Variants in STX2 observed in about 807,000 individuals in gnomAD.
STX2 encodes syntaxin-2.
Under a neutral mutation model 40.6 loss-of-function variants are expected in STX2, and 27 were observed. That is an observed-to-expected ratio of 0.66 (90% CI 0.49 to 0.92). STX2 has a LOEUF of 0.92. STX2 is among the 40% of genes least tolerant of loss of function. The pLI is 0.00. For synonymous variants in STX2, 123 were observed against 119.1 expected, an observed-to-expected ratio of 1.03 and a Z score of -0.22; for missense variants, 328 against 366.1, an observed-to-expected ratio of 0.90 and a Z score of 0.85.
chr12:130,814,627 C>T (rs1379076630), intron 3 of STX2, among the ~76,000 whole-genome samples: 1 of 49,224 alleles, frequency 2.0e-5, no homozygotes, highest in East Asian at 7.5e-4. Context: ...ATTAGAAAGA[C>T]TTTTTTTTTT....
chr12:130,795,860 T>C (rs568676306), intron 10 of STX2, 135 bp downstream of exon 10: 15 of 1,065,968 alleles, frequency 1.4e-5, no homozygotes, highest in Admixed American at 9.3e-5. Context: ...CACAGGCAGA[T>C]GTATCACTAG....
chr12:130,828,867 C>CAA (rs71451381), intron 1 of STX2, among the ~76,000 whole-genome samples: 94 of 121,504 alleles, frequency 7.7e-4, no homozygotes, highest in East Asian at 2.1e-3. Context: ...GACTCTGTCT[C>CAA]AAAAAAAAAA....
Position 130,821,748 on chromosome 12 carries a change from T to A in STX2, c.146A>T (p.Tyr49Phe). ...GTGGTTTTTCTTTACTTCTTCAACA[T>A]ATTGAGTTATTTTATCAATACTGTT... Reference protein sequence around the residue: ...IRNSIDKITQYVEEVKKNHSI... With the variant: ...IRNSIDKITQFVEEVKKNHSI... Residue 49 changes from tyrosine to phenylalanine, a missense_variant, in exon 3 of 11, where the codon TAT becomes TTT. By Grantham distance (22) the Tyr-to-Phe change is conservative. Coordinates refer to ENST00000392373, the MANE Select transcript of STX2 (RefSeq NM_194356.4). 1 of 1,613,168 alleles carries A rather than the reference T, an allele frequency of 6.2e-7. No individual in the cohort carries two copies. The highest frequency in any genetic ancestry group is 8.5e-7 in the Non-Finnish European group (1 of 1,179,124).
chr12:130,803,801 C>T (rs915267672), intron 6 of STX2, among the ~76,000 whole-genome samples: 2 of 151,996 alleles, frequency 1.3e-5, no homozygotes, highest in Admixed American at 6.6e-5. Context: ...AGTATACATT[C>T]GTAATTCCTT....
chr12:130,839,174 G>A lies in STX2; in HGVS notation c.-75C>T, dbSNP rs982031411. The A allele has an allele frequency of 8.9e-7, 1 of 1,128,382 alleles. No individual in the cohort carries two copies. The highest frequency in any genetic ancestry group is 1.6e-5 in the African/African-American group (1 of 60,844). The allele number at this position is 1,128,382 out of a possible 1,614,324, so 69.9% of individuals were successfully genotyped here. A position where few individuals can be genotyped will look rare whatever the true frequency, so the allele number is the denominator to read the frequency against. On this transcript the variant is annotated 5_prime_UTR_variant, in exon 1 of 11. Transcript: ENST00000392373. ...CCTCCGGCCGGGCCTCGGGCTCTCC[G>A]GTCTCCGCCTCAGGCCCCGCGGTCC...
intron 1 of STX2, among the ~76,000 whole-genome samples, chr12:130,828,860 T>A (rs1593185961): frequency 8.4e-6 from 1 of 118,810 alleles, no homozygotes. Context: ...AGAGCAAGAC[T>A]CTGTCTCAAA....
At chr12:130,801,131 G>A (rs1486950332) in intron 8 of STX2, 22 bp downstream of exon 8, 8 of 1,593,934 alleles carry the variant, frequency 5.0e-6, no homozygotes, top group Non-Finnish European at 6.9e-6. Flanking sequence ...CTCTCTTGGA[G>A]AATGCAAGAG....
At chr12:130,800,649 TC>T (rs1171700204) in intron 8 of STX2, among the ~76,000 whole-genome samples, 3 of 152,246 alleles carry the variant, frequency 2.0e-5, no homozygotes, top group Admixed American at 6.5e-5. Flanking sequence ...TTATAGAAAA[TC>T]TGAAAATAAA....
At chr12:130,816,337 G>A (rs911603769) in intron 3 of STX2, among the ~76,000 whole-genome samples, 6 of 152,184 alleles carry the variant, frequency 3.9e-5, no homozygotes, top group African/African-American at 1.2e-4. Flanking sequence ...CTCCCCTGGG[G>A]AAAGAAAGCC....
chr12:130,825,086 G>A (rs1223117680), intron 2 of STX2, among the ~76,000 whole-genome samples: 1 of 151,276 alleles, frequency 6.6e-6, no homozygotes, highest in Non-Finnish European at 1.5e-5. Flanking sequence ...CCCCAAGCCG[G>A]GGTGCAGTGG....
At chr12:130,813,129 G>T in intron 3 of STX2, 98 bp from the exon 4 acceptor site, 2 of 765,764 alleles carry the variant, frequency 2.6e-6, no homozygotes, top group Non-Finnish European at 3.8e-6. Flanking sequence ...AGTATCCTTA[G>T]TAAATATTCA....
intron 4 of STX2, chr12:130,810,461 C>T (rs368609731): frequency 7.9e-5 from 12 of 152,320 alleles, no homozygotes; most frequent in African/African-American, 2.4e-4. Context: ...ATGCTGACCT[C>T]GGTGTCTAGA....
intron 5 of STX2, 109 bp from the exon 6 acceptor site, chr12:130,807,199 G>T: frequency 1.9e-6 from 2 of 1,048,234 alleles, no homozygotes; most frequent in Non-Finnish European, 2.8e-6. Context: ...TTCTGCTCCT[G>T]CAAATGGAAA....
intron 3 of STX2, among the ~76,000 whole-genome samples, chr12:130,816,100 C>T (rs545556125): frequency 1.2e-4 from 19 of 152,220 alleles, no homozygotes; most frequent in Admixed American, 4.6e-4. Context: ...GGCCACTGTG[C>T]CTGGGGAATG....
chr12:130,823,034 G>T (rs950221565), intron 2 of STX2, among the ~76,000 whole-genome samples: 3 of 152,206 alleles, frequency 2.0e-5, no homozygotes, highest in Admixed American at 1.3e-4. Flanking sequence ...CAGGCACAGT[G>T]GCTCATGCCT....
At chr12:130,795,883 G>A in intron 10 of STX2, 112 bp downstream of exon 10, 1 of 1,327,180 alleles carries the variant, frequency 7.5e-7, no homozygotes, top group Admixed American at 2.7e-5. Flanking sequence ...GGCATTATCT[G>A]TACTGCGTGG....
At chr12:130,834,188 A>C (rs1015395435) in intron 1 of STX2, among the ~76,000 whole-genome samples, 1 of 152,148 alleles carries the variant, frequency 6.6e-6, no homozygotes, top group Non-Finnish European at 1.5e-5. Context: ...GTTCGAGACC[A>C]GCCTGGCCAA....
At position 130,839,073 on chromosome 12, in the gene STX2, C is replaced by T; in HGVS notation, c.27G>A (p.Thr9=). 7.5e-7 allele frequency: 1 copy of T among 1,341,078 alleles called. No homozygotes were observed. The highest frequency in any genetic ancestry group is 9.6e-7 in the Non-Finnish European group (1 of 1,042,342). 83.1% of individuals were successfully genotyped at this position (1,341,078 alleles called of 1,614,324 possible). The change falls in exon 1 of 11, where the codon ACG becomes ACA. Residue 9 remains threonine, a synonymous_variant. Coordinates refer to ENST00000392373, the MANE Select transcript of STX2 (RefSeq NM_194356.4). MRDRLPDL[T]ACRKNDDGDT... ...GCTACCCGCGGCTGCCGCTCACCGC[C>T]GTCAGGTCTGGCAGCCGGTCCCGCA...
intron 1 of STX2, among the ~76,000 whole-genome samples, chr12:130,831,146 A>T (rs1336178977): frequency 1.3e-5 from 2 of 152,226 alleles, no homozygotes; most frequent in Non-Finnish European, 2.9e-5. Flanking sequence ...CTGAACTACC[A>T]CAAATGGCAG....
Sources: gnomAD v4.1 joint callset for allele counts (sites outside exome capture counted in the v4.1 genomes callset) on GRCh38, gnomAD v4.1.1 for gene constraint, MANE v1.5 for transcripts, NCBI Gene and HGNC (gene_info 2026-07-23, HGNC 2026-07-21) for gene names.